The following NCOA2 variants were observed in gnomAD, a reference collection of about 807,000 sequenced individuals.
NCOA2 encodes nuclear receptor coactivator 2, also known as class E basic helix-loop-helix protein 75.
In NCOA2, 21 loss-of-function variants were observed where a neutral mutation model predicts 145.1. That is an observed-to-expected ratio of 0.14 (90% CI 0.10 to 0.21). The LOEUF (loss-of-function observed/expected upper bound fraction) is 0.21, where lower values mean the gene tolerates loss of function less well. Among genes scored for constraint, NCOA2 ranks in the 10% least tolerant of loss-of-function variants. The probability of loss-of-function intolerance (pLI) is 1.00; values close to 1 mark genes in which losing one functional copy is unlikely to be tolerated. For synonymous variants in NCOA2, 619 were observed against 637.5 expected (o/e 0.97, Z 0.44); for missense variants, 1,472 against 1,837.6 (o/e 0.80, Z 3.64).
the NCOA2 span, among the ~76,000 whole-genome samples, chr8:70,408,844 C>G: frequency 7.3e-6 from 1 of 137,242 alleles, no homozygotes; most frequent in Admixed American, 8.3e-5. Context: ...CCAGGCTGAT[C>G]TTGAACTGCT....
intron 1 of NCOA2, among the ~76,000 whole-genome samples, chr8:70,342,373 T>C (rs911684994): frequency 6.6e-6 from 1 of 152,164 alleles, no homozygotes; most frequent in Non-Finnish European, 1.5e-5. Flanking sequence ...TAAGTCAACT[T>C]TGAAGTTTTC....
intron 16 of NCOA2, among the ~76,000 whole-genome samples, chr8:70,130,422 T>C (rs975650701): frequency 1.3e-5 from 2 of 152,184 alleles, no homozygotes; most frequent in African/African-American, 4.8e-5. Flanking sequence ...ACTCCACGGA[T>C]CACATTTTAA....
At chr8:70,353,772 C>T (rs962677693) in intron 1 of NCOA2, among the ~76,000 whole-genome samples, 3 of 152,012 alleles carry the variant, frequency 2.0e-5, no homozygotes, top group Admixed American at 6.6e-5. Context: ...TTGGCCTATA[C>T]GATTTAAGTA....
At chr8:70,265,238 T>C (rs1824470473) in intron 2 of NCOA2, among the ~76,000 whole-genome samples, 1 of 152,272 alleles carries the variant, frequency 6.6e-6, no homozygotes. Flanking sequence ...CTTCCCCTTC[T>C]CTCTTTCTTT....
chr8:70,363,042 G>A (rs1810354142), intron 1 of NCOA2, among the ~76,000 whole-genome samples: 1 of 138,508 alleles, frequency 7.2e-6, no homozygotes, highest in African/African-American at 2.8e-5. Context: ...TCCTGCCACT[G>A]CATTCCAGCT....
chr8:70,379,670 A>G (rs779510388), intron 1 of NCOA2, among the ~76,000 whole-genome samples: 1 of 152,182 alleles, frequency 6.6e-6, no homozygotes, highest in Admixed American at 6.5e-5. Context: ...CTTTTTGCCC[A>G]TTCAAAATTT....
intron 22 of NCOA2, among the ~76,000 whole-genome samples, chr8:70,118,470 A>T (rs189501507): frequency 1.3e-4 from 20 of 152,006 alleles, no homozygotes; most frequent in Non-Finnish European, 2.2e-4. Context: ...CATCTACAGG[A>T]CTCCCACCAA....
intron 15 of NCOA2, among the ~76,000 whole-genome samples, chr8:70,137,717 T>C (rs1330968711): frequency 3.9e-5 from 6 of 152,216 alleles, no homozygotes; most frequent in Non-Finnish European, 8.8e-5. Flanking sequence ...ACCACTGCCC[T>C]TGGCAGCCAG....
At chr8:70,261,517 A>T (rs890987600) in intron 2 of NCOA2, among the ~76,000 whole-genome samples, 7 of 152,128 alleles carry the variant, frequency 4.6e-5, no homozygotes, top group Admixed American at 4.6e-4. Context: ...GGTGCAGCAC[A>T]CCAGCATGGC....
intron 15 of NCOA2, among the ~76,000 whole-genome samples, chr8:70,136,212 A>G (rs1201715179): frequency 6.6e-6 from 1 of 152,112 alleles, no homozygotes; most frequent in African/African-American, 2.4e-5. Context: ...TGTCTCTACT[A>G]TAAATACAAA....
At chr8:70,450,018 T>A in the NCOA2 span, among the ~76,000 whole-genome samples, 5 of 152,212 alleles carry the variant, frequency 3.3e-5, no homozygotes, top group Non-Finnish European at 5.9e-5. Flanking sequence ...TTTTTTATTT[T>A]TAGAAACCTT....
intron 2 of NCOA2, among the ~76,000 whole-genome samples, chr8:70,289,332 A>T (rs952812282): frequency 9.2e-5 from 14 of 152,254 alleles, no homozygotes; most frequent in African/African-American, 3.4e-4. Context: ...TTCAATAATT[A>T]TGACACAGCT....
intron 4 of NCOA2, among the ~76,000 whole-genome samples, chr8:70,193,752 C>G (rs1816954806): frequency 6.6e-6 from 1 of 152,166 alleles, no homozygotes; most frequent in African/African-American, 2.4e-5. Context: ...TATGCGCATG[C>G]CCATCTAATG....
In NCOA2 at chr8:70,156,209, G is replaced by A; in HGVS notation, c.2156C>T (p.Ser719Phe). ...TTCTGATCCAGGAGCTGTGCTGCTG[G>A]ACTCCTGGCTCAGGTCTTTGCCTGT... ...EATGKDLSQE[S>F]SSTAPGSEVT... The change falls in exon 11 of 23, where the codon TCC becomes TTC. Residue 719 changes from serine to phenylalanine, a missense_variant. Around this residue, in one of 4 missense-constraint regions of NCOA2, gnomAD observed 953 missense variants for 1,062.1 expected, o/e 0.90. Transcript: ENST00000452400. 6.2e-7 allele frequency: 1 copy of A among 1,613,908 alleles called. No homozygotes were observed. The highest frequency in any genetic ancestry group is 1.1e-5 in the South Asian group (1 of 91,080).
At chr8:70,137,510 T>C (rs919270567) in intron 15 of NCOA2, among the ~76,000 whole-genome samples, 5 of 152,244 alleles carry the variant, frequency 3.3e-5, no homozygotes, top group African/African-American at 1.2e-4. Flanking sequence ...CAAGTTTCCA[T>C]GGAAATGGGT....
At chr8:70,178,499 A>G (rs1046476142) in intron 4 of NCOA2, among the ~76,000 whole-genome samples, 16 of 152,350 alleles carry the variant, frequency 1.1e-4, no homozygotes, top group Non-Finnish European at 1.5e-4. Flanking sequence ...GTGAGCCCAC[A>G]TGAGGGAATG....
At chr8:70,128,124 G>C (rs1028477922) in intron 18 of NCOA2, among the ~76,000 whole-genome samples, 6 of 152,214 alleles carry the variant, frequency 3.9e-5, no homozygotes, top group Non-Finnish European at 5.9e-5. Flanking sequence ...GTTGTGACCA[G>C]AGGTCTGCAG....
In NCOA2 at chr8:70,148,341, A is replaced by T. The variant is rs1811338132; in HGVS notation, c.2537T>A (p.Leu846His). The change falls in exon 12 of 23, where the codon CTC (leucine) becomes CAC (histidine). Residue 846 changes from leucine (L) to histidine (H), a missense_variant. Around this residue, in one of 4 missense-constraint regions of NCOA2, gnomAD observed 953 missense variants for 1,062.1 expected, o/e 0.90. Transcript: ENST00000452400. ...KQAIINDLMQ[L>H]TAENSPVTPV... The stretch of plus-strand genomic sequence containing the variant: ...TGTGACAGGGCTGTTTTCAGCTGTG[A>T]GTTGCATGAGGTCATTGATGATGGC... 1 of 1,613,996 alleles carries T rather than the reference A, an allele frequency of 6.2e-7. No individual in the cohort carries two copies. The highest frequency in any genetic ancestry group is 8.5e-7 in the Non-Finnish European group (1 of 1,179,888).
chr8:70,213,283 C>A (rs1230599711), intron 4 of NCOA2, among the ~76,000 whole-genome samples: 1 of 152,042 alleles, frequency 6.6e-6, no homozygotes, highest in Non-Finnish European at 1.5e-5. Context: ...ACATTATTTT[C>A]TTGATATTTT....
Sources: gnomAD v4.1 joint callset for allele counts (sites outside exome capture counted in the v4.1 genomes callset) on GRCh38, gnomAD v4.1.1 for gene constraint, gnomAD v4.1.1 regional missense constraint, MANE v1.5 for transcripts, NCBI Gene and HGNC (gene_info 2026-07-23, HGNC 2026-07-21) for gene names.